The following ZNF721 variants were observed in gnomAD, a reference collection of about 807,000 sequenced individuals.
The protein encoded by ZNF721 is zinc finger protein 721.
A neutral mutation model predicts 2.4 loss-of-function variants in ZNF721; 2 were observed. The observed-to-expected ratio is 0.82, with a 90% CI of 0.34 to 2.58. ZNF721 has a LOEUF of 2.58. Ranked by LOEUF, ZNF721 falls within the 30% of genes most tolerant of loss-of-function variation. The pLI, the probability that ZNF721 is intolerant of heterozygous loss-of-function variation, is 0.11. For missense variants in ZNF721, 1,187 were observed against 1,085.5 expected, an observed-to-expected ratio of 1.09 and a Z score of -1.31; for synonymous variants, 398 against 381.8, an observed-to-expected ratio of 1.04 and a Z score of -0.50.
At chr4:493,190 A>AC (rs1560246482) in intron 1 of ZNF721, among the ~76,000 whole-genome samples, 1 of 151,506 alleles carries the variant, frequency 6.6e-6, no homozygotes, top group African/African-American at 2.4e-5. Context: ...AAAAAAAAAA[A>AC]TATGGCCTAA....
rs545564704 is a variant in ZNF721 at position 443,552 on chromosome 4, G to A, written c.915C>T (p.Tyr305=). The A allele has an allele frequency of 6.2e-7, 1 of 1,614,072 alleles. No individual in the cohort carries two copies. Among genetic ancestry groups the A allele is most frequent in the Non-Finnish European group, 8.5e-7 (1 of 1,179,960 alleles). The change falls in exon 3 of 3, where the codon TAC becomes TAT. Residue 305 remains tyrosine (Y), a synonymous_variant. Transcript: ENST00000511833. ...AGGCTTTGCCACATACTTCACATGT[G>A]TAGGGTTTCTCTCCAGTATGAATTC... ...HRRIHTGEKP[Y]TCEVCGKAFR...
intron 2 of ZNF721, among the ~76,000 whole-genome samples, chr4:465,228 A>G (rs1264022293): frequency 1.3e-5 from 2 of 152,056 alleles, no homozygotes; most frequent in Non-Finnish European, 2.9e-5. Flanking sequence ...ACAAAAAAAT[A>G]CCAAAAAACT....
intron 2 of ZNF721, among the ~76,000 whole-genome samples, chr4:445,452 T>G (rs1714441818): frequency 6.6e-6 from 1 of 152,174 alleles, no homozygotes; most frequent in African/African-American, 2.4e-5. Context: ...ATAAAGATTG[T>G]GACAAATAGC....
chr4:473,877 C>A, intron 1 of ZNF721: 6 of 1,375,314 alleles, frequency 4.4e-6, no homozygotes, highest in Non-Finnish European at 5.8e-6. Flanking sequence ...GGCTAAGCGG[C>A]GGCAGCGGGG....
rs564787756 is a variant in ZNF721 at position 440,835 on chromosome 4, T to G, written c.*860A>C. On this transcript the variant is annotated 3_prime_UTR_variant, in exon 3 of 3. Transcript: ENST00000511833. ...CATGCACCACCATGTCCTGCTAATT[T>G]TTGTATTTTTAGTACAGACGAGGTT... 40 of 152,354 alleles carry G rather than the reference T, an allele frequency of 2.6e-4. No individual in the cohort carries two copies. Among genetic ancestry groups the G allele is most frequent in the African/African-American group, 9.4e-4 (39 of 41,576 alleles). The allele number at this position is 152,354 out of a possible 1,614,324, so 9.4% of individuals were successfully genotyped here. A position where few individuals can be genotyped will look rare whatever the true frequency, so the allele number is the denominator to read the frequency against.
rs533728589 is a variant in ZNF721 at position 483,776 on chromosome 4, T to G, written c.-93-11075A>C. On this transcript the variant is annotated intron_variant, in intron 1 of 2. Transcript: ENST00000511833. The stretch of plus-strand genomic sequence containing the variant: ...CAATAAAAATCGAAATATTACATAT[T>G]TAATCCTAACATAATATTTCAGAAT... Among the ~76,000 whole-genome samples the G allele has an allele frequency of 6.8e-4, 104 of 152,318 alleles. 2 individuals are homozygous for G. Among genetic ancestry groups the G allele is most frequent in the Non-Finnish European group, 3.4e-4 (23 of 68,028 alleles).
chr4:481,978 T>C (rs1553869594), intron 1 of ZNF721, among the ~76,000 whole-genome samples: 1 of 152,202 alleles, frequency 6.6e-6, no homozygotes, highest in African/African-American at 2.4e-5. Flanking sequence ...AAAACTGAGT[T>C]AGATTTTATA....
chr4:475,140 T>C (rs567882105), intron 1 of ZNF721, among the ~76,000 whole-genome samples: 1 of 151,810 alleles, frequency 6.6e-6, no homozygotes, highest in African/African-American at 2.4e-5. Context: ...TTAGTTGAGA[T>C]GGCGTCACTG....
At chr4:480,325 G>A (rs1232527242) in intron 1 of ZNF721, among the ~76,000 whole-genome samples, 1 of 152,130 alleles carries the variant, frequency 6.6e-6, no homozygotes, top group Non-Finnish European at 1.5e-5. Context: ...GATTTTGTGG[G>A]AGCAAAACAC....
At chr4:465,117 A>G (rs1468572034) in intron 2 of ZNF721, among the ~76,000 whole-genome samples, 1 of 150,090 alleles carries the variant, frequency 6.7e-6, no homozygotes, top group Non-Finnish European at 1.5e-5. Context: ...GCCTGATGAT[A>G]CATGCCTGTA....
chr4:480,518 C>G (rs1553869256), intron 1 of ZNF721, among the ~76,000 whole-genome samples: 1 of 152,134 alleles, frequency 6.6e-6, no homozygotes, highest in African/African-American at 2.4e-5. Context: ...TCTTACAAAG[C>G]TGAAACTAAA....
chr4:456,816 T>A (rs186097062), intron 2 of ZNF721, among the ~76,000 whole-genome samples: 1 of 152,062 alleles, frequency 6.6e-6, no homozygotes, highest in African/African-American at 2.4e-5. Context: ...GAGGCGGAGG[T>A]TGCAGTGAGC....
chr4:496,796 T>C (rs1388145536), intron 1 of ZNF721, among the ~76,000 whole-genome samples: 1 of 139,972 alleles, frequency 7.1e-6, no homozygotes, highest in East Asian at 2.3e-4. Context: ...CACTGCAGGC[T>C]CCGCCTCCCG....
intron 1 of ZNF721, among the ~76,000 whole-genome samples, chr4:478,914 C>A (rs1553869014): frequency 2.0e-5 from 3 of 151,932 alleles, no homozygotes; most frequent in Admixed American, 6.6e-5. Context: ...GGATTACAGG[C>A]ACCCACCACC....
intron 1 of ZNF721, among the ~76,000 whole-genome samples, chr4:491,683 A>G (rs1397980070): frequency 6.6e-6 from 1 of 152,256 alleles, no homozygotes; most frequent in East Asian, 1.9e-4. Flanking sequence ...AGAGGTTCCC[A>G]TAATCTCTAT....
chr4:449,722 TACC>T (rs1714586976), intron 2 of ZNF721, among the ~76,000 whole-genome samples: 1 of 152,082 alleles, frequency 6.6e-6, no homozygotes, highest in Non-Finnish European at 1.5e-5. Flanking sequence ...TTAACAAAAA[TACC>T]ACAATTTGAA....
chr4:474,858 A>G (rs1715584516), intron 1 of ZNF721, among the ~76,000 whole-genome samples: 1 of 152,192 alleles, frequency 6.6e-6, no homozygotes, highest in African/African-American at 2.4e-5. Context: ...CCTGGGCGAC[A>G]GAGTGAGACT....
At chr4:494,408 G>A (rs1175529680) in intron 1 of ZNF721, among the ~76,000 whole-genome samples, 2 of 151,778 alleles carry the variant, frequency 1.3e-5, no homozygotes, top group Non-Finnish European at 2.9e-5. Context: ...GGATGGTCTC[G>A]ATCTCCCGAC....
chr4:495,577 T>G (rs1211692376), intron 1 of ZNF721, among the ~76,000 whole-genome samples: 1 of 151,448 alleles, frequency 6.6e-6, no homozygotes, highest in Non-Finnish European at 1.5e-5. Context: ...AATCTTTGTG[T>G]GGCAAGTTTT....
Sources: gnomAD v4.1 joint callset for allele counts (sites outside exome capture counted in the v4.1 genomes callset) on GRCh38, gnomAD v4.1.1 for gene constraint, MANE v1.5 for transcripts, NCBI Gene and HGNC (gene_info 2026-07-23, HGNC 2026-07-21) for gene names.